The following NBAS variants were observed in gnomAD, a reference collection of about 807,000 sequenced individuals.
NBAS encodes NBAS subunit of NRZ tethering complex.
A neutral mutation model predicts 302.5 loss-of-function variants in NBAS; 219 were observed. The observed-to-expected ratio is 0.72, with a 90% CI of 0.65 to 0.81. The LOEUF is 0.81. Among genes scored for constraint, NBAS ranks in the 30% least tolerant of loss-of-function variants. The probability of loss-of-function intolerance (pLI) is 0.00; values close to 1 mark genes in which losing one functional copy is unlikely to be tolerated. For synonymous variants in NBAS, 1,118 were observed against 1,021.6 expected (o/e 1.09, Z -1.80); for missense variants, 2,932 against 2,841.6 (o/e 1.03, Z -0.72).
At chr2:15,411,174 G>T (rs1453290958) in intron 25 of NBAS, among the ~76,000 whole-genome samples, 1 of 152,014 alleles carries the variant, frequency 6.6e-6, no homozygotes, top group African/African-American at 2.4e-5. Flanking sequence ...TCGGCTCCAG[G>T]GTCAGCTGAC....
At chr2:14,873,227 A>G in the NBAS span, among the ~76,000 whole-genome samples, 3 of 151,498 alleles carry the variant, frequency 2.0e-5, no homozygotes, top group South Asian at 6.2e-4. Context: ...TGCATTTACA[A>G]ACCTTTAGCT....
At chr2:15,300,986 G>A (rs1670770090) in intron 40 of NBAS, among the ~76,000 whole-genome samples, 1 of 152,222 alleles carries the variant, frequency 6.6e-6, no homozygotes, top group Admixed American at 6.5e-5. Context: ...AAGAAGCAGT[G>A]TCAGGAAGCA....
At chr2:15,251,756 T>G (rs1432934049) in intron 44 of NBAS, among the ~76,000 whole-genome samples, 1 of 152,192 alleles carries the variant, frequency 6.6e-6, no homozygotes, top group Admixed American at 6.5e-5. Flanking sequence ...TGGTGGCTTT[T>G]AGCTGGCTTC....
chr2:15,040,137 G>C, the NBAS span, among the ~76,000 whole-genome samples: 33 of 152,174 alleles, frequency 2.2e-4, no homozygotes, highest in African/African-American at 7.5e-4. Context: ...CCTGCAAAGA[G>C]CAGGATCCTA....
At chr2:15,402,857 T>C (rs993263673) in intron 25 of NBAS, among the ~76,000 whole-genome samples, 15 of 152,200 alleles carry the variant, frequency 9.9e-5, no homozygotes, top group African/African-American at 3.4e-4. Flanking sequence ...GGTGACTTTC[T>C]GTATAGAACA....
At chr2:14,990,929 G>A in the NBAS span, among the ~76,000 whole-genome samples, 1 of 152,190 alleles carries the variant, frequency 6.6e-6, no homozygotes, top group Admixed American at 6.5e-5. Context: ...CAACTACAGA[G>A]GAGAGACATG....
At chr2:14,818,556 G>T in the NBAS span, among the ~76,000 whole-genome samples, 1 of 152,098 alleles carries the variant, frequency 6.6e-6, no homozygotes, top group South Asian at 2.1e-4. Flanking sequence ...ATTCTTTTCA[G>T]CATGTCTCTC....
the NBAS span, among the ~76,000 whole-genome samples, chr2:14,962,776 T>C: frequency 1.4e-4 from 22 of 152,126 alleles, no homozygotes; most frequent in Non-Finnish European, 2.8e-4. Flanking sequence ...TACTTTTCAC[T>C]GATGTCACAA....
intron 9 of NBAS, among the ~76,000 whole-genome samples, chr2:15,525,087 T>C (rs1191489009): frequency 6.6e-6 from 1 of 152,200 alleles, no homozygotes. Context: ...TTTATCCAGA[T>C]TTAAATGACC....
chr2:15,436,279 T>G (rs1678010890), intron 21 of NBAS, among the ~76,000 whole-genome samples: 1 of 152,226 alleles, frequency 6.6e-6, no homozygotes, highest in East Asian at 1.9e-4. Context: ...AGATAACCCT[T>G]TCTGCATTTA....
chr2:14,803,841 G>C, the NBAS span, among the ~76,000 whole-genome samples: 1 of 151,950 alleles, frequency 6.6e-6, no homozygotes, highest in Non-Finnish European at 1.5e-5. Context: ...GTGGTGATGG[G>C]GTTTCACCAT....
intron 48 of NBAS, among the ~76,000 whole-genome samples, chr2:15,213,723 A>C (rs1168985315): frequency 6.6e-6 from 1 of 152,224 alleles, no homozygotes; most frequent in Non-Finnish European, 1.5e-5. Flanking sequence ...CATAGTACAC[A>C]TTCCAGGGTT....
chr2:14,880,340 TA>T, the NBAS span, among the ~76,000 whole-genome samples: 5,862 of 152,078 alleles, frequency 0.039, 373 homozygotes, highest in African/African-American at 0.13. Context: ...AAATGAGTAC[TA>T]AAAATTTTCA....
chr2:15,226,939 G>GT (rs1306189425), intron 47 of NBAS, among the ~76,000 whole-genome samples: 2 of 152,124 alleles, frequency 1.3e-5, no homozygotes, highest in African/African-American at 2.4e-5. Context: ...AGAACTTCTA[G>GT]TGTGATGTGT....
chr2:15,440,686 C>T (rs1051148407), intron 21 of NBAS, among the ~76,000 whole-genome samples: 3 of 152,050 alleles, frequency 2.0e-5, no homozygotes, highest in Non-Finnish European at 4.4e-5. Context: ...TGAGAGAAGG[C>T]TTCAGATGAT....
At chr2:15,100,462 T>C in the NBAS span, among the ~76,000 whole-genome samples, 1 of 152,132 alleles carries the variant, frequency 6.6e-6, no homozygotes, top group Non-Finnish European at 1.5e-5. Flanking sequence ...TGATTATATA[T>C]AACAGGAAAA....
At chr2:15,143,824 A>G in the NBAS span, among the ~76,000 whole-genome samples, 2 of 151,774 alleles carry the variant, frequency 1.3e-5, no homozygotes, top group Admixed American at 6.6e-5. Context: ...GCATGGCTAG[A>G]ATATATGCAG....
intron 30 of NBAS, among the ~76,000 whole-genome samples, chr2:15,378,549 C>T (rs559818464): frequency 6.6e-6 from 1 of 152,314 alleles, no homozygotes; most frequent in African/African-American, 2.4e-5. Context: ...CCTAACCTAA[C>T]AAACATCATA....
intron 7 of NBAS, among the ~76,000 whole-genome samples, chr2:15,537,919 C>G (rs558132790): frequency 3.3e-5 from 5 of 152,196 alleles, no homozygotes; most frequent in African/African-American, 1.2e-4. Flanking sequence ...TCCTCCCAAT[C>G]ACCCCTGAAT....
Sources: allele counts gnomAD v4.1 joint callset (sites outside exome capture counted in the v4.1 genomes callset), GRCh38; gene constraint gnomAD v4.1.1; transcripts MANE v1.5; gene names NCBI Gene and HGNC (gene_info 2026-07-23, HGNC 2026-07-21).